RGS12: variants seen among roughly 807,000 people sequenced by gnomAD.
RGS12 encodes the protein regulator of G protein signaling 12, also known as regulator of G-protein signaling 12.
In RGS12, 66 loss-of-function variants were observed where a neutral mutation model predicts 120.1. The observed-to-expected ratio is 0.55, with a 90% confidence interval of 0.45 to 0.67. RGS12 has a LOEUF of 0.67. Ranked by LOEUF, RGS12 falls within the 30% of genes least tolerant of loss-of-function variation. The probability of loss-of-function intolerance (pLI) is 0.00; values close to 1 mark genes in which losing one functional copy is unlikely to be tolerated. For missense variants in RGS12, 1,859 were observed against 1,957.7 expected, an observed-to-expected ratio of 0.95 and a Z score of 0.95; for synonymous variants, 827 against 804.7, an observed-to-expected ratio of 1.03 and a Z score of -0.47.
In RGS12 at chr4:3,433,818, A is replaced by G. The variant is rs531623992; in HGVS notation, c.4114+2863A>G. Reference sequence around the variant, plus strand: ...CGCACCGAGACCGAGACCATGCACCATGCAGGCTGGCCGGTGCCCCCATGC... The same window carrying G: ...CGCACCGAGACCGAGACCATGCACCGTGCAGGCTGGCCGGTGCCCCCATGC... On this transcript the variant is annotated intron_variant, in intron 17 of 17. Transcript: ENST00000336727. The surrounding 1 kb of genome is among the most constrained non-coding windows in gnomAD (Gnocchi z 4.4). Among the ~76,000 whole-genome samples, 39 of 152,242 alleles carry G rather than the reference A, an allele frequency of 2.6e-4. No homozygotes were observed. Among genetic ancestry groups the G allele is most frequent in the Middle Eastern group, 3.4e-3 (1 of 294 alleles).
chr4:3,316,045 T>A, intron 1 of RGS12, 25 bp from the exon 2 acceptor site: 1 of 880,812 alleles, frequency 1.1e-6, no homozygotes, highest in Non-Finnish European at 1.7e-6. Context: ...TCTTTAATAA[T>A]GAGCTGTTCG....
chr4:3,362,012 G>A (rs1439819797), intron 3 of RGS12, among the ~76,000 whole-genome samples: 1 of 152,168 alleles, frequency 6.6e-6, no homozygotes, highest in African/African-American at 2.4e-5. Flanking sequence ...AGCGTGTAGC[G>A]CTCCCCCTCG....
chr4:3,386,570 C>T (rs892740730), intron 4 of RGS12, 133 bp downstream of exon 4: 1 of 761,294 alleles, frequency 1.3e-6, no homozygotes, highest in Non-Finnish European at 2.2e-6. Context: ...TGGGCGGGTT[C>T]TAGGTGAGTT....
At chr4:3,378,830 G>T (rs1007822429) in intron 3 of RGS12, among the ~76,000 whole-genome samples, 1 of 152,168 alleles carries the variant, frequency 6.6e-6, no homozygotes, top group Non-Finnish European at 1.5e-5. Flanking sequence ...AGCCATTGTG[G>T]AAAACAGCAT....
Position 3,439,850 on chromosome 4 carries a change from G to A in RGS12, c.*166G>A. On this transcript the variant is annotated 3_prime_UTR_variant, in exon 18 of 18. Coordinates refer to ENST00000336727, the MANE Select transcript of RGS12 (RefSeq NM_001394154.1). ...GGCACTGGCCCCGGACATTCGCCAT[G>A]CTGGCCATGGGGCTCCCTGGCCCTG... 1.6e-6 allele frequency: 1 copy of A among 627,270 alleles called. No individual in the cohort carries two copies. Among genetic ancestry groups the A allele is most frequent in the Non-Finnish European group, 2.6e-6 (1 of 383,416 alleles). The allele number at this position is 627,270 out of a possible 1,614,324, so 38.9% of individuals were successfully genotyped here.
intron 4 of RGS12, among the ~76,000 whole-genome samples, chr4:3,394,844 G>A (rs527541317): frequency 7.2e-5 from 11 of 152,036 alleles, no homozygotes; most frequent in South Asian, 2.1e-4. Flanking sequence ...CCTCTCACCC[G>A]ACGGCTGTTG....
At chr4:3,291,612 G>A (rs908034120), upstream of RGS12, among the ~76,000 whole-genome samples, 3 of 152,210 alleles carry the variant, frequency 2.0e-5, no homozygotes, top group African/African-American at 4.8e-5. Flanking sequence ...CTCTCAAAGT[G>A]CTGGGATTAC....
chr4:3,433,892 A>C lies in RGS12; in HGVS notation c.4114+2937A>C, dbSNP rs1724573117. On this transcript the variant is annotated intron_variant, in intron 17 of 17. Transcript: ENST00000336727. This position sits in a 1 kb window ranked among gnomAD's most constrained non-coding sequence, Gnocchi z 4.4. ...GGGTGGGTCTCCTTTCCCTTTGGCCACTTGCTGCCAGGCCACCCAGTCTAA... is the reference window on the plus strand; with the variant it reads ...GGGTGGGTCTCCTTTCCCTTTGGCCCCTTGCTGCCAGGCCACCCAGTCTAA... Among the ~76,000 whole-genome samples, 1 of 152,002 alleles carries C rather than the reference A, an allele frequency of 6.6e-6. No homozygotes were observed. Among genetic ancestry groups the C allele is most frequent in the Non-Finnish European group, 1.5e-5 (1 of 68,026 alleles).
chr4:3,425,594 G>A, intron 14 of RGS12, 34 bp downstream of exon 14: 1 of 1,562,144 alleles, frequency 6.4e-7, no homozygotes, highest in Non-Finnish European at 8.8e-7. Context: ...TGGGGAGAGG[G>A]TGAGTGGGTC....
At chr4:3,368,576 G>T (rs1458244021) in intron 3 of RGS12, among the ~76,000 whole-genome samples, 1 of 132,570 alleles carries the variant, frequency 7.5e-6, no homozygotes, top group Non-Finnish European at 1.6e-5. Flanking sequence ...TGTGTGTGGG[G>T]TGCCTGTGTG....
At chr4:3,417,176 C>T in intron 8 of RGS12, 84 bp downstream of exon 8, 1 of 1,422,462 alleles carries the variant, frequency 7.0e-7, no homozygotes, top group Admixed American at 2.7e-5. Context: ...GAAAAGAGGC[C>T]CTGTCGGCGT....
At chr4:3,409,777 G>T (rs1721537917) in intron 4 of RGS12, among the ~76,000 whole-genome samples, 1 of 152,230 alleles carries the variant, frequency 6.6e-6, no homozygotes. Context: ...GGGTTGAGCT[G>T]TGCCAGCCAC....
intron 3 of RGS12, chr4:3,386,048 G>A: frequency 3.5e-6 from 1 of 284,324 alleles, no homozygotes; most frequent in Non-Finnish European, 6.6e-6. Context: ...CGGCACGTGG[G>A]CACTGAGTGG....
chr4:3,393,262 A>G (rs1719686957), intron 4 of RGS12, among the ~76,000 whole-genome samples: 2 of 152,180 alleles, frequency 1.3e-5, no homozygotes, highest in South Asian at 4.1e-4. Flanking sequence ...GGAACTCGGG[A>G]ACCCCCTGAC....
intron 3 of RGS12, among the ~76,000 whole-genome samples, chr4:3,360,215 T>G (rs1715425718): frequency 6.6e-6 from 1 of 152,238 alleles, no homozygotes; most frequent in Non-Finnish European, 1.5e-5. Context: ...TAATGTCCCT[T>G]TTATCATTTC....
chr4:3,326,370 C>G (rs1725554666), intron 2 of RGS12, among the ~76,000 whole-genome samples: 1 of 152,150 alleles, frequency 6.6e-6, no homozygotes, highest in African/African-American at 2.4e-5. Context: ...CCTCAGCCTC[C>G]CAAGTAGCTA....
chr4:3,423,002 C>T (rs751561490), intron 12 of RGS12, 24 bp downstream of exon 12: 2 of 1,603,838 alleles, frequency 1.2e-6, no homozygotes, highest in Non-Finnish European at 8.5e-7. Flanking sequence ...CGCTGTCATT[C>T]ACCTGAGGCT....
chr4:3,380,946 C>T (rs1200462455), intron 3 of RGS12, among the ~76,000 whole-genome samples: 1 of 152,202 alleles, frequency 6.6e-6, no homozygotes, highest in Non-Finnish European at 1.5e-5. Flanking sequence ...TGAATTTCTC[C>T]CCAGAAAATT....
chr4:3,363,699 G>A (rs945532760), intron 3 of RGS12, among the ~76,000 whole-genome samples: 3 of 151,816 alleles, frequency 2.0e-5, no homozygotes, highest in Non-Finnish European at 4.4e-5. Context: ...GCCCTCCTGG[G>A]TTGGGGCAGG....
Sources: gnomAD v4.1 joint callset for allele counts (sites outside exome capture counted in the v4.1 genomes callset) on GRCh38, gnomAD v4.1.1 for gene constraint, Gnocchi (gnomAD v3.1) non-coding constraint, MANE v1.5 for transcripts, NCBI Gene and HGNC (gene_info 2026-07-23, HGNC 2026-07-21) for gene names.